The following DNER variants were observed in gnomAD, a reference collection of about 807,000 sequenced individuals.
DNER encodes the protein delta/notch like EGF repeat containing, also known as delta and Notch-like epidermal growth factor-related receptor.
A neutral mutation model predicts 78.2 loss-of-function variants in DNER; 33 were observed. That is an observed-to-expected ratio of 0.42 (90% confidence interval 0.32 to 0.56). The LOEUF (loss-of-function observed/expected upper bound fraction) is 0.56, where lower values mean the gene tolerates loss of function less well. Among genes scored for constraint, DNER ranks in the 20% least tolerant of loss-of-function variants. The pLI is 0.11. For synonymous variants in DNER, 417 were observed against 384.8 expected (o/e 1.08, Z -0.98); for missense variants, 918 against 975.3 (o/e 0.94, Z 0.78).
intron 5 of DNER, among the ~76,000 whole-genome samples, chr2:229,546,611 C>T (rs1415818931): frequency 6.6e-6 from 1 of 152,180 alleles, no homozygotes; most frequent in African/African-American, 2.4e-5. Flanking sequence ...TGGTGTGTGC[C>T]TGTGGTCCCA....
intron 5 of DNER, among the ~76,000 whole-genome samples, chr2:229,520,851 C>T (rs1208493913): frequency 6.6e-6 from 1 of 152,180 alleles, no homozygotes; most frequent in African/African-American, 2.4e-5. Flanking sequence ...TCTCTGCTCG[C>T]CTTAAGGAAC....
At chr2:229,707,180 A>ATTTTTTTT (rs397868353) in intron 1 of DNER, among the ~76,000 whole-genome samples, 6 of 94,608 alleles carry the variant, frequency 6.3e-5, no homozygotes, top group Non-Finnish European at 7.7e-5. Context: ...CGGCTGGCTA[A>ATTTTTTTT]TTTTTTTTTT....
intron 7 of DNER, among the ~76,000 whole-genome samples, chr2:229,468,196 T>A (rs1355638040): frequency 6.6e-6 from 1 of 152,250 alleles, no homozygotes; most frequent in Non-Finnish European, 1.5e-5. Context: ...AGGAAGGAAT[T>A]CAGTTCATGG....
At chr2:229,693,164 TTC>T (rs1699609391) in intron 1 of DNER, among the ~76,000 whole-genome samples, 1 of 151,926 alleles carries the variant, frequency 6.6e-6, no homozygotes, top group South Asian at 2.1e-4. Context: ...AGTGAGTGAC[TTC>T]TCACAAGATC....
intron 1 of DNER, among the ~76,000 whole-genome samples, chr2:229,601,164 A>G (rs944578469): frequency 6.6e-6 from 1 of 152,230 alleles, no homozygotes; most frequent in Non-Finnish European, 1.5e-5. Flanking sequence ...TGTCCAAAAC[A>G]GGAATTGCAG....
rs545354791 is a variant in DNER at position 229,504,512 on chromosome 2, G to A, written c.1147+8271C>T. Among the ~76,000 whole-genome samples the A allele has an allele frequency of 2.6e-5, 4 of 152,302 alleles. No homozygotes were observed. The East Asian group carries it at 7.7e-4, about 29-fold the overall frequency. On this transcript the variant is annotated intron_variant, in intron 6 of 12. Transcript: ENST00000341772. ...TAGGATTACAGGCATGAGCCACCAT[G>A]CCCGGCCCTGTAATATTCTTTAGAA... is the stretch of plus-strand genomic sequence containing the variant.
intron 5 of DNER, among the ~76,000 whole-genome samples, chr2:229,529,791 C>G (rs752123088): frequency 1.3e-5 from 2 of 152,128 alleles, no homozygotes; most frequent in Non-Finnish European, 2.9e-5. Flanking sequence ...AAGAATTCCT[C>G]GAGCCCAGAA....
chr2:229,489,971 AAG>A (rs1422956393), intron 6 of DNER, among the ~76,000 whole-genome samples: 2 of 152,006 alleles, frequency 1.3e-5, no homozygotes, highest in Non-Finnish European at 2.9e-5. Context: ...AGTAACGAGG[AAG>A]AGAGAGTGGA....
chr2:229,397,678 T>C (rs901465787), intron 10 of DNER, among the ~76,000 whole-genome samples: 2 of 152,124 alleles, frequency 1.3e-5, no homozygotes, highest in African/African-American at 4.8e-5. Context: ...TAGAGTGTTC[T>C]CTCACCGTAA....
chr2:229,430,130 A>G (rs1453432477), intron 8 of DNER, among the ~76,000 whole-genome samples: 1 of 151,016 alleles, frequency 6.6e-6, no homozygotes, highest in Non-Finnish European at 1.5e-5. Context: ...TTGCACAAAC[A>G]TGCATTAAAA....
At chr2:229,698,772 A>G (rs778594365) in intron 1 of DNER, among the ~76,000 whole-genome samples, 7 of 152,180 alleles carry the variant, frequency 4.6e-5, no homozygotes, top group Non-Finnish European at 1.0e-4. Flanking sequence ...CTAAAGGTTT[A>G]TTTGGGGCCT....
chr2:229,697,678 G>T (rs769275759), intron 1 of DNER, among the ~76,000 whole-genome samples: 1 of 152,110 alleles, frequency 6.6e-6, no homozygotes, highest in Non-Finnish European at 1.5e-5. Flanking sequence ...TGTGGTCAGA[G>T]GCCTAAGAAT....
intron 9 of DNER, among the ~76,000 whole-genome samples, chr2:229,417,695 T>C (rs1243878622): frequency 6.6e-6 from 1 of 152,096 alleles, no homozygotes; most frequent in African/African-American, 2.4e-5. Context: ...TGCTGATACA[T>C]GGGACTCCGC....
At chr2:229,479,389 TAGAA>T (rs573819250) in intron 6 of DNER, among the ~76,000 whole-genome samples, 11 of 152,144 alleles carry the variant, frequency 7.2e-5, no homozygotes, top group Admixed American at 7.2e-4. Flanking sequence ...AGAAAACACA[TAGAA>T]AGAGACACAG....
chr2:229,652,691 G>T (rs74001406), intron 1 of DNER, among the ~76,000 whole-genome samples: 1 of 152,180 alleles, frequency 6.6e-6, no homozygotes, highest in East Asian at 1.9e-4. Flanking sequence ...ATATTGATGA[G>T]CTCAGAAGCA....
chr2:229,504,978 G>T (rs925899715), intron 6 of DNER, among the ~76,000 whole-genome samples: 1 of 152,182 alleles, frequency 6.6e-6, no homozygotes, highest in African/African-American at 2.4e-5. Context: ...TAAGAACATT[G>T]CATAGGACCC....
chr2:229,587,572 C>T (rs1162166596), intron 3 of DNER, among the ~76,000 whole-genome samples: 2 of 152,220 alleles, frequency 1.3e-5, no homozygotes, highest in Non-Finnish European at 2.9e-5. Flanking sequence ...GGAGCCAGTG[C>T]AACAGATTGG....
chr2:229,486,576 A>G (rs2154211579), intron 6 of DNER, among the ~76,000 whole-genome samples: 1 of 152,292 alleles, frequency 6.6e-6, no homozygotes, highest in Non-Finnish European at 1.5e-5. Context: ...CATTTCCCTC[A>G]TGGAGGAATT....
chr2:229,585,768 T>G, intron 4 of DNER, 90 bp downstream of exon 4: 1 of 1,410,214 alleles, frequency 7.1e-7, no homozygotes, highest in Non-Finnish European at 9.8e-7. Flanking sequence ...TCAGATTATC[T>G]GAGCAAAATT....
Sources: gnomAD v4.1 joint callset for allele counts (sites outside exome capture counted in the v4.1 genomes callset) on GRCh38, gnomAD v4.1.1 for gene constraint, MANE v1.5 for transcripts, NCBI Gene and HGNC (gene_info 2026-07-23, HGNC 2026-07-21) for gene names.